TNS1: variants seen among roughly 807,000 people sequenced by gnomAD.
TNS1 encodes tensin 1, also known as tensin-1.
Under a neutral mutation model 168.6 loss-of-function variants are expected in TNS1, and 62 were observed. The ratio of observed to expected loss-of-function variants is 0.37; its 90% CI spans 0.30 to 0.45. The LOEUF (loss-of-function observed/expected upper bound fraction) is 0.45. Ranked by LOEUF, TNS1 falls within the 20% of genes least tolerant of loss-of-function variation. The pLI, the probability that TNS1 is intolerant of heterozygous loss-of-function variation, is 1.00. For synonymous variants in TNS1, 934 were observed against 933.2 expected (o/e 1.00, Z -0.02); for missense variants, 2,240 against 2,339.4 (o/e 0.96, Z 0.88).
rs185841879 is a variant in TNS1, at chr2:217,916,651, C to T, written c.228+3544G>A. Among the ~76,000 whole-genome samples the T allele has an allele frequency of 2.3e-4, 35 of 152,262 alleles. No individual in the cohort carries two copies. In the East Asian group the frequency reaches 5.2e-3, roughly 23 times the overall value. On this transcript the variant is annotated intron_variant, in intron 4 of 32. Transcript: ENST00000682258. Reference sequence around the variant, plus strand: ...GGTCCCTTCTACCCAAGGCCTTGGGCAACATCTGTTGAGTAAGATGAAAAC... The same window carrying T: ...GGTCCCTTCTACCCAAGGCCTTGGGTAACATCTGTTGAGTAAGATGAAAAC...
intron 19 of TNS1, among the ~76,000 whole-genome samples, chr2:217,837,522 G>A (rs1471667888): frequency 6.6e-6 from 1 of 152,184 alleles, no homozygotes; most frequent in African/African-American, 2.4e-5. Flanking sequence ...CATAATCAGG[G>A]GCTCCCATAA....
intron 6 of TNS1, chr2:217,903,654 G>A (rs1442193653): frequency 1.1e-5 from 17 of 1,483,990 alleles, no homozygotes; most frequent in Admixed American, 3.9e-5. Context: ...AAGGAAATTC[G>A]ACAGCCTCCC....
At chr2:217,830,618 C>G (rs1458512711) in intron 22 of TNS1, among the ~76,000 whole-genome samples, 3 of 152,216 alleles carry the variant, frequency 2.0e-5, no homozygotes, top group Non-Finnish European at 4.4e-5. Context: ...CAGACAGGCC[C>G]AGGGCCCTGC....
chr2:217,905,122 C>T (rs1266942127), intron 6 of TNS1, among the ~76,000 whole-genome samples: 1 of 152,184 alleles, frequency 6.6e-6, no homozygotes, highest in Non-Finnish European at 1.5e-5. Flanking sequence ...GAATGGCTTA[C>T]ATTTATTGAG....
chr2:217,913,834 G>A (rs1024808725), intron 4 of TNS1, among the ~76,000 whole-genome samples: 2 of 151,972 alleles, frequency 1.3e-5, no homozygotes, highest in South Asian at 2.1e-4. Context: ...GGCCTGTCAC[G>A]CTCATCCCTG....
intron 4 of TNS1, among the ~76,000 whole-genome samples, chr2:217,914,032 G>A (rs1262795601): frequency 4.0e-5 from 6 of 149,096 alleles, no homozygotes; most frequent in Non-Finnish European, 7.4e-5. Flanking sequence ...AAGGTCCTAC[G>A]CCCTTTCTGT....
chr2:217,921,329 G>A (rs979684313), intron 3 of TNS1, among the ~76,000 whole-genome samples: 2 of 152,142 alleles, frequency 1.3e-5, no homozygotes, highest in Non-Finnish European at 2.9e-5. Flanking sequence ...TCCAAAGAGG[G>A]GGTAGCTGCC....
rs1937604412 is a variant in TNS1 at position 217,802,440 on chromosome 2, T to TA, written c.*2018dup. 1 of 152,258 alleles carries TA rather than the reference T, an allele frequency of 6.6e-6. No individual in the cohort carries two copies. Among genetic ancestry groups the TA allele is most frequent in the Non-Finnish European group, 1.5e-5 (1 of 68,082 alleles). The allele number at this position is 152,258 out of a possible 1,614,324, so 9.4% of individuals were successfully genotyped here. ...GACACACACGCACCTATGTGTGCCA[T>TA]ACACACCCATGTCCCCGCATGCTCA... On this transcript the variant is annotated 3_prime_UTR_variant, in exon 33 of 33. Coordinates refer to ENST00000682258, the MANE Select transcript of TNS1 (RefSeq NM_001387777.1).
At chr2:217,980,535 AGAGAGAG>A (rs1559398485) in intron 2 of TNS1, among the ~76,000 whole-genome samples, 1 of 149,138 alleles carries the variant, frequency 6.7e-6, no homozygotes, top group Non-Finnish European at 1.5e-5. Flanking sequence ...AGAGAGAGAG[AGAGAGAG>A]AGAGGAGCCT....
At chr2:218,000,846 T>G (rs1958549912) in intron 1 of TNS1, among the ~76,000 whole-genome samples, 1 of 152,096 alleles carries the variant, frequency 6.6e-6, no homozygotes, top group African/African-American at 2.4e-5. Flanking sequence ...GGACACAGGC[T>G]TTTCTAGTCT....
intron 18 of TNS1, among the ~76,000 whole-genome samples, chr2:217,862,089 T>C (rs1948832337): frequency 1.3e-5 from 2 of 152,234 alleles, no homozygotes; most frequent in Admixed American, 1.3e-4. Flanking sequence ...TGCCTGAAAA[T>C]GCATTGCCAC....
upstream of TNS1, among the ~76,000 whole-genome samples, chr2:218,007,587 G>A (rs537708335): frequency 5.9e-4 from 89 of 151,080 alleles, no homozygotes; most frequent in Middle Eastern, 3.4e-3. Flanking sequence ...GTTCAGCCAG[G>A]TCTTGCTTGG....
chr2:217,902,678 T>A (rs1297527673), intron 6 of TNS1, among the ~76,000 whole-genome samples: 1 of 151,882 alleles, frequency 6.6e-6, no homozygotes. Context: ...CCAGGCCGCC[T>A]CCAGAGGTGA....
At chr2:217,904,918 G>C (rs1953473434) in intron 6 of TNS1, among the ~76,000 whole-genome samples, 1 of 152,140 alleles carries the variant, frequency 6.6e-6, no homozygotes, top group South Asian at 2.1e-4. Flanking sequence ...AAGGTTAGCA[G>C]TTCAGGATAA....
At chr2:217,895,613 G>C (rs1428587973) in intron 8 of TNS1, among the ~76,000 whole-genome samples, 1 of 152,142 alleles carries the variant, frequency 6.6e-6, no homozygotes, top group East Asian at 1.9e-4. Flanking sequence ...TCTGTCACCA[G>C]ACTTCCTCCA....
chr2:217,885,774 C>T lies in TNS1; in HGVS notation c.1086G>A (p.Glu362=), dbSNP rs780701888. 1.9e-6 allele frequency: 3 copies of T among 1,614,140 alleles called. No homozygotes were observed. Among genetic ancestry groups the T allele is most frequent in the Non-Finnish European group, 8.5e-7 (1 of 1,180,024 alleles). The change falls in exon 15 of 33, where the codon GAG becomes GAA. Residue 362 remains glutamate (E), a synonymous_variant. Coordinates refer to ENST00000682258, the MANE Select transcript of TNS1 (RefSeq NM_001387777.1). Reference sequence around the variant, plus strand: ...TGTCTCCCTTCAAGAGCAGTCCTGGCTCGATGGTGATGCAGACGCTAGTCT... The same window carrying T: ...TGTCTCCCTTCAAGAGCAGTCCTGGTTCGATGGTGATGCAGACGCTAGTCT... The part of the protein sequence containing the change: ...DSQTSVCITI[E]PGLLLKGDIL...
At chr2:217,968,139 C>T (rs1486952678) in intron 3 of TNS1, among the ~76,000 whole-genome samples, 1 of 152,194 alleles carries the variant, frequency 6.6e-6, no homozygotes, top group Admixed American at 6.5e-5. Flanking sequence ...TAGAAGGAAA[C>T]TTCCTCAACC....
At chr2:217,944,532 G>A (rs750529524) in intron 3 of TNS1, among the ~76,000 whole-genome samples, 34 of 152,312 alleles carry the variant, frequency 2.2e-4, no homozygotes, top group Admixed American at 4.6e-4. Context: ...TCTGCTTTCC[G>A]CTGTTTCCAA....
At chr2:217,946,964 C>T (rs993320141) in intron 3 of TNS1, among the ~76,000 whole-genome samples, 14 of 148,216 alleles carry the variant, frequency 9.4e-5, no homozygotes, top group African/African-American at 3.4e-4. Context: ...CTCTCTCTCT[C>T]TCTCTCACAC....
Sources: gnomAD v4.1 joint callset for allele counts (sites outside exome capture counted in the v4.1 genomes callset) on GRCh38, gnomAD v4.1.1 for gene constraint, MANE v1.5 for transcripts, NCBI Gene and HGNC (gene_info 2026-07-23, HGNC 2026-07-21) for gene names.